RHBDD1: variants seen among roughly 807,000 people sequenced by gnomAD.
RHBDD1 encodes rhomboid-related protein 4.
Under a neutral mutation model 36.3 loss-of-function variants are expected in RHBDD1, and 38 were observed. The ratio of observed to expected loss-of-function variants is 1.05; its 90% CI spans 0.81 to 1.37. The LOEUF is 1.37. Ranked by LOEUF, RHBDD1 falls within the 40% of genes most tolerant of loss-of-function variation. RHBDD1 has a pLI of 0.00. For synonymous variants in RHBDD1, 151 were observed against 136.5 expected (o/e 1.11, Z -0.74); for missense variants, 393 against 377.6 (o/e 1.04, Z -0.34).
At chr2:226,933,402 T>C (rs1350853136) in intron 8 of RHBDD1, among the ~76,000 whole-genome samples, 1 of 152,114 alleles carries the variant, frequency 6.6e-6, no homozygotes, top group Non-Finnish European at 1.5e-5. Context: ...TAGTCTCTCT[T>C]GTGAGACCAG....
the RHBDD1 span, among the ~76,000 whole-genome samples, chr2:226,802,801 A>G: frequency 6.6e-6 from 1 of 152,240 alleles, no homozygotes; most frequent in African/African-American, 2.4e-5. Context: ...AGCTACGTTG[A>G]TGTCACTAAT....
chr2:226,963,637 C>T (rs1243544168), intron 8 of RHBDD1, among the ~76,000 whole-genome samples: 1 of 152,114 alleles, frequency 6.6e-6, no homozygotes, highest in East Asian at 1.9e-4. Context: ...ACCTTCCATG[C>T]CCTTGCTTCT....
chr2:226,849,048 A>T (rs145797508), intron 3 of RHBDD1, among the ~76,000 whole-genome samples: 1 of 152,260 alleles, frequency 6.6e-6, no homozygotes, highest in South Asian at 2.1e-4. Flanking sequence ...TGATTTATTG[A>T]GTGATTACTG....
chr2:226,973,293 A>C (rs1953931247), intron 8 of RHBDD1, among the ~76,000 whole-genome samples: 1 of 152,236 alleles, frequency 6.6e-6, no homozygotes, highest in Admixed American at 6.5e-5. Context: ...CCTGGCATCA[A>C]GTTAAGGAAA....
chr2:226,830,205 G>C, the RHBDD1 span, among the ~76,000 whole-genome samples: 2 of 152,138 alleles, frequency 1.3e-5, no homozygotes, highest in South Asian at 2.1e-4. Flanking sequence ...AAGGAATTAG[G>C]TCATGAGGAC....
chr2:226,987,860 G>A (rs1957346697), intron 8 of RHBDD1, among the ~76,000 whole-genome samples: 4 of 152,234 alleles, frequency 2.6e-5, no homozygotes. Flanking sequence ...AGAATCTGTG[G>A]TGAGGGGGTG....
the RHBDD1 span, among the ~76,000 whole-genome samples, chr2:226,820,073 A>G: frequency 0.33 from 48,948 of 149,210 alleles, 11,728 homozygotes; most frequent in African/African-American, 0.69. Flanking sequence ...ATTTAGGTTT[A>G]GGTTTCAAGT....
intron 8 of RHBDD1, among the ~76,000 whole-genome samples, chr2:226,967,927 G>A (rs139287274): frequency 3.4e-4 from 52 of 152,240 alleles, no homozygotes; most frequent in African/African-American, 1.2e-3. Context: ...GTTGGTAGGT[G>A]ACAGTAATAT....
chr2:226,926,353 C>G (rs2149074524), intron 8 of RHBDD1, among the ~76,000 whole-genome samples: 1 of 152,198 alleles, frequency 6.6e-6, no homozygotes, highest in Middle Eastern at 3.4e-3. Context: ...CTAATTTTCT[C>G]AAAGAGTATG....
At chr2:226,921,304 T>C (rs930145885) in intron 8 of RHBDD1, among the ~76,000 whole-genome samples, 10 of 152,154 alleles carry the variant, frequency 6.6e-5, no homozygotes, top group Admixed American at 5.9e-4. Context: ...AACAACTTTT[T>C]GTCATGAATC....
At chr2:226,903,970 G>A (rs1026059355) in intron 5 of RHBDD1, among the ~76,000 whole-genome samples, 1 of 152,062 alleles carries the variant, frequency 6.6e-6, no homozygotes, top group South Asian at 2.1e-4. Flanking sequence ...AACTCCAGGG[G>A]AAGACCATCT....
intron 5 of RHBDD1, among the ~76,000 whole-genome samples, chr2:226,887,869 G>A (rs1946366879): frequency 6.6e-6 from 1 of 152,156 alleles, no homozygotes; most frequent in Non-Finnish European, 1.5e-5. Context: ...AATAACCAAT[G>A]TAGTGTTGAT....
At chr2:226,858,933 A>G (rs747311587) in intron 3 of RHBDD1, among the ~76,000 whole-genome samples, 1 of 152,206 alleles carries the variant, frequency 6.6e-6, no homozygotes, top group Non-Finnish European at 1.5e-5. Context: ...CAACTTATCA[A>G]TACATTTTAA....
At chr2:226,910,148 T>A (rs1183730619) in intron 7 of RHBDD1, among the ~76,000 whole-genome samples, 1 of 152,210 alleles carries the variant, frequency 6.6e-6, no homozygotes, top group East Asian at 1.9e-4. Flanking sequence ...GCAGTTCTAC[T>A]TACTGTCTTC....
chr2:226,907,755 G>A (rs1010679288), intron 6 of RHBDD1, among the ~76,000 whole-genome samples: 3 of 152,166 alleles, frequency 2.0e-5, no homozygotes, highest in Admixed American at 1.3e-4. Context: ...TTTACAGGCT[G>A]TGTTGCATTT....
intron 8 of RHBDD1, among the ~76,000 whole-genome samples, chr2:226,973,796 A>G (rs1954032055): frequency 6.6e-6 from 1 of 152,220 alleles, no homozygotes; most frequent in South Asian, 2.1e-4. Context: ...AGTAGGTCGT[A>G]TCTTTCTTGC....
At chr2:226,849,316 C>T (rs1041178604) in intron 3 of RHBDD1, among the ~76,000 whole-genome samples, 1 of 152,202 alleles carries the variant, frequency 6.6e-6, no homozygotes, top group Non-Finnish European at 1.5e-5. Flanking sequence ...GATGAAGATT[C>T]CCTGGTGACA....
chr2:226,906,245 G>A (rs1358937605), intron 5 of RHBDD1, among the ~76,000 whole-genome samples: 1 of 152,190 alleles, frequency 6.6e-6, no homozygotes, highest in Non-Finnish European at 1.5e-5. Flanking sequence ...TTTGTTCTGA[G>A]TGACTGAAAC....
intron 1 of RHBDD1, among the ~76,000 whole-genome samples, chr2:226,837,153 C>T (rs756825905): frequency 4.6e-5 from 7 of 152,086 alleles, no homozygotes; most frequent in Non-Finnish European, 8.8e-5. Flanking sequence ...TGAAGTAATT[C>T]CTAGATGGAA....
Sources: gnomAD v4.1 joint callset for allele counts (sites outside exome capture counted in the v4.1 genomes callset) on GRCh38, gnomAD v4.1.1 for gene constraint, MANE v1.5 for transcripts, NCBI Gene and HGNC (gene_info 2026-07-23, HGNC 2026-07-21) for gene names.